The following SLC16A3 variants were observed in gnomAD, a reference collection of about 807,000 sequenced individuals.
The protein encoded by SLC16A3 is solute carrier family 16 member 3, also known as monocarboxylate transporter 4.
SLC16A3 carries 22 observed loss-of-function variants against 25.0 expected under a neutral mutation model. The ratio of observed to expected loss-of-function variants is 0.88; its 90% CI spans 0.63 to 1.26. The LOEUF (loss-of-function observed/expected upper bound fraction) is 1.26, where lower values mean the gene tolerates loss of function less well. SLC16A3 is among the 50% of genes most tolerant of loss of function. The probability of loss-of-function intolerance (pLI) is 0.00; values close to 1 mark genes in which losing one functional copy is unlikely to be tolerated. For missense variants in SLC16A3, 731 were observed against 666.6 expected (o/e 1.10, Z -1.06); for synonymous variants, 390 against 309.2 (o/e 1.26, Z -2.74).
At chr17:82,228,379 T>G (rs1220208617), upstream of SLC16A3, 1 of 151,954 alleles carries the variant, frequency 6.6e-6, no homozygotes, top group East Asian at 2.0e-4. Context: ...GTCGGTGGCT[T>G]TGTAGGGCCC....
chr17:82,236,249 C>T lies in SLC16A3; in HGVS notation c.223+18C>T. 1.2e-6 allele frequency: 2 copies of T among 1,603,326 alleles called. No homozygotes were observed. The highest frequency in any genetic ancestry group is 1.7e-6 in the Non-Finnish European group (2 of 1,171,752). On this transcript the variant is annotated intron_variant, in intron 2 of 4. Transcript: ENST00000582743. Reference sequence around the variant, plus strand: ...CGGGACAGGTGAGGGTGGCCTCACACCGGGCCCCCTGTCCGGGGCTCTGCT... The same window carrying T: ...CGGGACAGGTGAGGGTGGCCTCACATCGGGCCCCCTGTCCGGGGCTCTGCT...
chr17:82,237,367 C>A lies in SLC16A3; in HGVS notation c.597C>A (p.Pro199=). ...NCCVCAALMR[P]LVVTAQPGSG... ...GCGTGTGTGCCGCACTCATGAGGCCCCTGGTGGTCACGGCCCAGCCGGGCT... is the reference window on the plus strand; with the variant it reads ...GCGTGTGTGCCGCACTCATGAGGCCACTGGTGGTCACGGCCCAGCCGGGCT... The change falls in exon 4 of 5, where the codon CCC becomes CCA. Residue 199 remains proline (P), a synonymous_variant. Transcript: ENST00000582743. 6.5e-7 allele frequency: 1 copy of A among 1,541,896 alleles called. No homozygotes were observed. The highest frequency in any genetic ancestry group is 8.8e-7 in the Non-Finnish European group (1 of 1,141,680).
At chr17:82,222,608 AG>A (rs2050395939) in intron 1 of SLC16A3, among the ~76,000 whole-genome samples, 1 of 152,158 alleles carries the variant, frequency 6.6e-6, no homozygotes, top group East Asian at 1.9e-4. Context: ...GTTCGAGACC[AG>A]CGTGACCAAC....
In SLC16A3 at chr17:82,240,037, C is replaced by T. The variant is rs1042240439; in HGVS notation, c.*1061C>T. 3.4e-5 allele frequency: 42 copies of T among 1,233,670 alleles called. No individual in the cohort carries two copies. Among genetic ancestry groups the T allele is most frequent in the African/African-American group, 9.3e-5 (6 of 64,466 alleles). The allele number at this position is 1,233,670 out of a possible 1,614,324, so 76.4% of individuals were successfully genotyped here. A position where few individuals can be genotyped will look rare whatever the true frequency, so the allele number is the denominator to read the frequency against. ...GGTGCCCTGGCGGGCCGCGTGCAGC[C>T]GGAGAGATGCCATGTCCCTGCTCCT... On this transcript the variant is annotated 3_prime_UTR_variant, in exon 5 of 5. Transcript: ENST00000582743.
chr17:82,236,695 A>G (rs373254771), intron 2 of SLC16A3, 34 bp from the exon 3 acceptor site: 22 of 1,588,410 alleles, frequency 1.4e-5, no homozygotes, highest in Admixed American at 3.4e-5. Flanking sequence ...AGCTGGCTGC[A>G]GGCCCGGCCC....
intron 1 of SLC16A3, among the ~76,000 whole-genome samples, chr17:82,223,152 T>A (rs1377435623): frequency 6.6e-6 from 1 of 152,212 alleles, no homozygotes; most frequent in Non-Finnish European, 1.5e-5. Flanking sequence ...AACCGTGTGC[T>A]ACAAGAGCTC....
Position 82,238,872 on chromosome 17 carries a change from C to T in SLC16A3, c.1294C>T (p.Pro432Ser), listed in dbSNP as rs1599563809. ...AAAEEEKLHKPPADSGVDLRE... is the reference protein window; with the variant it reads ...AAAEEEKLHKSPADSGVDLRE... ...CGCGGAGGAGGAGAAGCTCCACAAG[C>T]CTCCTGCAGACTCGGGGGTGGACTT... The change falls in exon 5 of 5, where the codon CCT becomes TCT. Residue 432 changes from proline (P) to serine (S), a missense_variant. Transcript: ENST00000582743. 6.2e-7 allele frequency: 1 copy of T among 1,610,602 alleles called. No homozygotes were observed. The highest frequency in any genetic ancestry group is 8.5e-7 in the Non-Finnish European group (1 of 1,178,166).
At position 82,239,955 on chromosome 17, in the gene SLC16A3, G is replaced by A. The variant is rs1005036619; in HGVS notation, c.*979G>A. 12 of 1,225,942 alleles carry A rather than the reference G, an allele frequency of 9.8e-6. No individual in the cohort carries two copies. The highest frequency in any genetic ancestry group is 8.2e-5 in the South Asian group (2 of 24,282). The allele number at this position is 1,225,942 out of a possible 1,614,324, so 75.9% of individuals were successfully genotyped here. On this transcript the variant is annotated 3_prime_UTR_variant, in exon 5 of 5. Coordinates refer to ENST00000582743, the MANE Select transcript of SLC16A3 (RefSeq NM_004207.4). ...CAGTGGCCTGCGTGGCTGGGAGCCC[G>A]GTCAGAGGCCGCCGGGGCCCTCAGT... is the stretch of plus-strand genomic sequence containing the variant.
At position 82,236,173 on chromosome 17, in the gene SLC16A3, C is replaced by G. The variant is rs376637996; in HGVS notation, c.165C>G (p.Ile55Met). 10 of 1,613,040 alleles carry G rather than the reference C, an allele frequency of 6.2e-6. No individual in the cohort carries two copies. In the African/African-American group the frequency reaches 1.3e-4, roughly 22 times the overall value. Residue 55 changes from isoleucine (I) to methionine (M), a missense_variant, in exon 2 of 5, where the codon ATC becomes ATG. By Grantham distance (10) the Ile-to-Met change is conservative. Coordinates refer to ENST00000582743, the MANE Select transcript of SLC16A3 (RefSeq NM_004207.4). ...FFKELIQEFG[I>M]GYSDTAWISS... ...AGGAGCTCATACAGGAGTTTGGGAT[C>G]GGCTACAGCGACACAGCCTGGATCT...
At chr17:82,231,318 TGGCGA>T (rs2050492546) in intron 1 of SLC16A3, 1 of 152,226 alleles carries the variant, frequency 6.6e-6, no homozygotes, top group Non-Finnish European at 1.5e-5. Flanking sequence ...GGGCCTCTCC[TGGCGA>T]GGGTGGAGTT....
chr17:82,239,298 T>C lies in SLC16A3; in HGVS notation c.*322T>C, dbSNP rs1478763081. ...CCCATGCTTCGAGACAACGTGACTT[T>C]AATGGGAGGGTGGGTGGGCCGCAGA... is the stretch of plus-strand genomic sequence containing the variant. On this transcript the variant is annotated 3_prime_UTR_variant, in exon 5 of 5. Transcript: ENST00000582743. 1 of 81,408 alleles carries C rather than the reference T, an allele frequency of 1.2e-5. No individual in the cohort carries two copies. The highest frequency in any genetic ancestry group is 3.7e-4 in the East Asian group (1 of 2,734). 5.0% of individuals were successfully genotyped at this position (81,408 alleles called of 1,614,324 possible). A position where few individuals can be genotyped will look rare whatever the true frequency, so the allele number is the denominator to read the frequency against.
rs776467747 is a variant in SLC16A3 at position 82,239,921 on chromosome 17, C to T, written c.*945C>T. On this transcript the variant is annotated 3_prime_UTR_variant, in exon 5 of 5. Transcript: ENST00000582743. Reference sequence around the variant, plus strand: ...TGGACACCTAACACCCACCTGCCCTCGTGGCCAGCAGTGGCCTGCGTGGCT... The same window carrying T: ...TGGACACCTAACACCCACCTGCCCTTGTGGCCAGCAGTGGCCTGCGTGGCT... 7.3e-6 allele frequency: 8 copies of T among 1,089,024 alleles called. No homozygotes were observed. Among genetic ancestry groups the T allele is most frequent in the African/African-American group, 4.9e-5 (3 of 61,502 alleles). 67.5% of individuals were successfully genotyped at this position (1,089,024 alleles called of 1,614,324 possible). A position where few individuals can be genotyped will look rare whatever the true frequency, so the allele number is the denominator to read the frequency against.
chr17:82,234,117 G>T (rs8075490), intron 1 of SLC16A3: 1 of 151,996 alleles, frequency 6.6e-6, no homozygotes, highest in Non-Finnish European at 1.5e-5. Flanking sequence ...TGGGATTACA[G>T]GCGTGAGCCA....
chr17:82,236,490 G>A, intron 2 of SLC16A3: 1 of 633,318 alleles, frequency 1.6e-6, no homozygotes, highest in Non-Finnish European at 2.7e-6. Flanking sequence ...AGGCTCCTGA[G>A]AGCCGTTCCT....
In SLC16A3 at chr17:82,239,981, A is replaced by G. The variant is rs921891369; in HGVS notation, c.*1005A>G. ...GTCAGAGGCCGCCGGGGCCCTCAGT[A>G]GGTGCGTCGTGGGCGCTGGGGACGG... On this transcript the variant is annotated 3_prime_UTR_variant, in exon 5 of 5. Coordinates refer to ENST00000582743, the MANE Select transcript of SLC16A3 (RefSeq NM_004207.4). 4.1e-6 allele frequency: 5 copies of G among 1,233,276 alleles called. No individual in the cohort carries two copies. Among genetic ancestry groups the G allele is most frequent in the Non-Finnish European group, 5.1e-6 (5 of 987,444 alleles). 76.4% of individuals were successfully genotyped at this position (1,233,276 alleles called of 1,614,324 possible).
At position 82,236,103 on chromosome 17, in the gene SLC16A3, C is replaced by T. The variant is rs745514170; in HGVS notation, c.95C>T (p.Thr32Ile). 1.3e-5 allele frequency: 21 copies of T among 1,613,062 alleles called. No individual in the cohort carries two copies. In the Admixed American group the frequency reaches 1.8e-4, roughly 14 times the overall value. The change falls in exon 2 of 5, where the codon ACT (threonine) becomes ATT (isoleucine). Residue 32 changes from threonine (T) to isoleucine (I), a missense_variant. Transcript: ENST00000582743. ...GTGCTCTTCGGCTGTTTCGTCATCA[C>T]TGGCTTCTCCTACGCCTTCCCCAAG... ...WAVLFGCFVITGFSYAFPKAV... is the reference protein window; with the variant it reads ...WAVLFGCFVIIGFSYAFPKAV...
At chr17:82,236,700 C>T (rs377309184) in intron 2 of SLC16A3, 29 bp from the exon 3 acceptor site, 74 of 1,593,086 alleles carry the variant, frequency 4.6e-5, no homozygotes, top group South Asian at 2.4e-4. Flanking sequence ...GCTGCAGGCC[C>T]GGCCCCTCTC....
intron 1 of SLC16A3, chr17:82,234,078 G>A (rs1458833421): frequency 3.3e-5 from 5 of 152,278 alleles, no homozygotes; most frequent in Non-Finnish European, 7.4e-5. Flanking sequence ...CTGACCTCGT[G>A]ATCCGCCCGC....
At chr17:82,227,552 C>A (rs1031027739), upstream of SLC16A3, among the ~76,000 whole-genome samples, 1 of 149,078 alleles carries the variant, frequency 6.7e-6, no homozygotes, top group East Asian at 2.0e-4. Flanking sequence ...ACTGATGAAT[C>A]GCCTGGTGCA....
Sources: allele counts gnomAD v4.1 joint callset (sites outside exome capture counted in the v4.1 genomes callset), GRCh38; gene constraint gnomAD v4.1.1; transcripts MANE v1.5; gene names NCBI Gene and HGNC (gene_info 2026-07-23, HGNC 2026-07-21).